The following SCN4B variants were observed in gnomAD, a reference collection of about 807,000 sequenced individuals.
SCN4B encodes sodium channel regulatory subunit beta-4.
In SCN4B, 20 loss-of-function variants were observed where a neutral mutation model predicts 19.6. The observed-to-expected ratio is 1.02, with a 90% CI of 0.72 to 1.48. SCN4B has a LOEUF of 1.48. Among genes scored for constraint, SCN4B ranks in the 40% most tolerant of loss-of-function variants. SCN4B has a pLI of 0.00. For synonymous variants in SCN4B, 127 were observed against 122.8 expected (o/e 1.03, Z -0.22); for missense variants, 271 against 287.5 (o/e 0.94, Z 0.42).
At chr11:118,145,455 C>A in intron 1 of SCN4B, 1 of 1,465,454 alleles carries the variant, frequency 6.8e-7, no homozygotes, top group South Asian at 1.2e-5. Flanking sequence ...CAGGGAGTAG[C>A]CCTTGTTGCG....
chr11:118,147,278 A>T (rs955070760), intron 1 of SCN4B, among the ~76,000 whole-genome samples: 2 of 152,346 alleles, frequency 1.3e-5, no homozygotes, highest in South Asian at 4.1e-4. Context: ...CCACAGAGTA[A>T]ATGGTGAATT....
Position 118,134,061 on chromosome 11 carries a change from T to A in SCN4B, c.*2966A>T, listed in dbSNP as rs753517628. 2 of 454,558 alleles carry A rather than the reference T, an allele frequency of 4.4e-6. No individual in the cohort carries two copies. Among genetic ancestry groups the A allele is most frequent in the Non-Finnish European group, 8.8e-6 (2 of 226,790 alleles). 28.2% of individuals were successfully genotyped at this position (454,558 alleles called of 1,614,324 possible). On this transcript the variant is annotated 3_prime_UTR_variant, in exon 5 of 5. Transcript: ENST00000324727. ...CCCACCTCCTGCCATCTCACAAGCA[T>A]GCTCTCAAGCCCTCGCTCCACAAGA...
chr11:118,146,903 T>A (rs1385332834), intron 1 of SCN4B, among the ~76,000 whole-genome samples: 1 of 152,220 alleles, frequency 6.6e-6, no homozygotes, highest in East Asian at 1.9e-4. Flanking sequence ...CTCCAATTAG[T>A]GCTGGGAAGT....
rs955917 is a variant in SCN4B, at chr11:118,145,324, G to A, written c.62-95C>T. On this transcript the variant is annotated intron_variant, in intron 1 of 4. Transcript: ENST00000324727. ...CAGGGCGGAGTAGCTTGGCCAGGCA[G>A]GTAGGTCTCTATCACCCTCAGTGCC... The A allele has an allele frequency of 0.16, 258,757 of 1,578,992 alleles. 21,716 individuals carry two copies. The highest frequency in any genetic ancestry group is 0.26 in the Middle Eastern group (1,306 of 5,060).
rs772762943 is a variant in SCN4B, at chr11:118,145,245, C to T, written c.62-16G>A. 7 of 1,613,682 alleles carry T rather than the reference C, an allele frequency of 4.3e-6. No homozygotes were observed. The highest frequency in any genetic ancestry group is 1.7e-5 in the Admixed American group (1 of 59,996). On this transcript the variant is annotated splice_polypyrimidine_tract_variant and intron_variant, in intron 1 of 4. Coordinates refer to ENST00000324727, the MANE Select transcript of SCN4B (RefSeq NM_174934.4). ...AGGAAGAGGCCTGTGTAAGGAGCAC[C>T]GCCTCCCTTAATAAAACCCCACCAG... is the stretch of plus-strand genomic sequence containing the variant.
intron 1 of SCN4B, among the ~76,000 whole-genome samples, chr11:118,147,642 C>CTGCG (rs1948194472): frequency 6.6e-6 from 1 of 152,252 alleles, no homozygotes; most frequent in Non-Finnish European, 1.5e-5. Context: ...ACTCTCCAGT[C>CTGCG]TGCAGCCAGC....
rs375056921 is a variant in SCN4B at position 118,141,348 on chromosome 11, G to C, written c.464-12C>G. The C allele has an allele frequency of 8.7e-6, 14 of 1,612,180 alleles. No homozygotes were observed. In the South Asian group the frequency reaches 1.5e-4, roughly 18 times the overall value. ...GTCCACTTCTTCCACTGTGTGGCCC[G>C]AGTAGGGAGGAAAGGGAAGGCACAA... On this transcript the variant is annotated splice_polypyrimidine_tract_variant and intron_variant, in intron 3 of 4. Coordinates refer to ENST00000324727, the MANE Select transcript of SCN4B (RefSeq NM_174934.4).
chr11:118,146,767 G>A (rs1268148479), intron 1 of SCN4B, among the ~76,000 whole-genome samples: 1 of 152,148 alleles, frequency 6.6e-6, no homozygotes, highest in African/African-American at 2.4e-5. Context: ...TATGTGCCAG[G>A]CACATTTCAT....
rs1947984429 is a variant in SCN4B at position 118,135,656 on chromosome 11, A to G, written c.*1371T>C. The G allele has an allele frequency of 2.2e-6, 1 of 454,208 alleles. No individual in the cohort carries two copies. The highest frequency in any genetic ancestry group is 1.6e-5 in the South Asian group (1 of 64,478). The allele number at this position is 454,208 out of a possible 1,614,324, so 28.1% of individuals were successfully genotyped here. A position where few individuals can be genotyped will look rare whatever the true frequency, so the allele number is the denominator to read the frequency against. On this transcript the variant is annotated 3_prime_UTR_variant, in exon 5 of 5. Transcript: ENST00000324727. The stretch of plus-strand genomic sequence containing the variant: ...TCAGTCACTGGCCAATTCCAGCCTC[A>G]TGGCCCCCTCTATGACCCTGGGGAG...
intron 4 of SCN4B, among the ~76,000 whole-genome samples, chr11:118,140,620 G>A (rs1565454730): frequency 6.6e-6 from 1 of 152,148 alleles, no homozygotes; most frequent in African/African-American, 2.4e-5. Flanking sequence ...GGGCCTGAGG[G>A]TTGCACCCTC....
chr11:118,135,744 G>A lies in SCN4B; in HGVS notation c.*1283C>T, dbSNP rs772561360. ...CTCTGCTGTTATGTCAGGACATACC[G>A]TCTAGAGAGGATGGGGGTAAGGGCT... On this transcript the variant is annotated 3_prime_UTR_variant, in exon 5 of 5. Coordinates refer to ENST00000324727, the MANE Select transcript of SCN4B (RefSeq NM_174934.4). 65 of 454,494 alleles carry A rather than the reference G, an allele frequency of 1.4e-4. No individual in the cohort carries two copies. Among genetic ancestry groups the A allele is most frequent in the Admixed American group, 8.0e-4 (34 of 42,572 alleles). 28.2% of individuals were successfully genotyped at this position (454,494 alleles called of 1,614,324 possible).
Position 118,141,193 on chromosome 11 carries a change from C to G in SCN4B, c.593+14G>C. On this transcript the variant is annotated intron_variant, in intron 4 of 4. Coordinates refer to ENST00000324727, the MANE Select transcript of SCN4B (RefSeq NM_174934.4). Reference sequence around the variant, plus strand: ...GCTGCTGGGAGGACAGGAGTGTGCTCCAGATCAACTCACTTCTTCTCCCGA... The same window carrying G: ...GCTGCTGGGAGGACAGGAGTGTGCTGCAGATCAACTCACTTCTTCTCCCGA... 6.2e-7 allele frequency: 1 copy of G among 1,612,638 alleles called. No homozygotes were observed. Among genetic ancestry groups the G allele is most frequent in the Non-Finnish European group, 8.5e-7 (1 of 1,179,938 alleles).
chr11:118,143,150 GC>G (rs1048317794), intron 3 of SCN4B, among the ~76,000 whole-genome samples: 1 of 152,140 alleles, frequency 6.6e-6, no homozygotes, highest in Admixed American at 6.5e-5. Context: ...CACTTCTCCA[GC>G]CCTGGTTATC....
At chr11:118,141,638 T>G in intron 3 of SCN4B, 1 of 450,162 alleles carries the variant, frequency 2.2e-6, no homozygotes, top group Non-Finnish European at 4.1e-6. Flanking sequence ...ACACTCAAGT[T>G]TGAGTGGTGA....
At chr11:118,145,520 T>C in intron 1 of SCN4B, 2 of 1,286,564 alleles carry the variant, frequency 1.6e-6, no homozygotes, top group East Asian at 4.1e-5. Flanking sequence ...GCCTGGCCAC[T>C]GCCGCGAACC....
chr11:118,133,993 TG>T lies in SCN4B; in HGVS notation c.*3033del, dbSNP rs1947955150. 2.2e-6 allele frequency: 1 copy of T among 454,682 alleles called. No homozygotes were observed. The highest frequency in any genetic ancestry group is 4.4e-6 in the Non-Finnish European group (1 of 226,770). 28.2% of individuals were successfully genotyped at this position (454,682 alleles called of 1,614,324 possible). On this transcript the variant is annotated 3_prime_UTR_variant, in exon 5 of 5. Transcript: ENST00000324727. Reference sequence around the variant, plus strand: ...CATCCACTCCACAGTTACGCTGCCATGCACCCACACTGCCTGCACACGCACA... The same window carrying T: ...CATCCACTCCACAGTTACGCTGCCATCACCCACACTGCCTGCACACGCACA...
chr11:118,147,857 A>T (rs993606621), intron 1 of SCN4B, among the ~76,000 whole-genome samples: 5 of 152,200 alleles, frequency 3.3e-5, no homozygotes, highest in African/African-American at 1.2e-4. Flanking sequence ...CCTGGAGGAG[A>T]TGGGGGAACT....
In SCN4B at chr11:118,145,105, C is replaced by T. The variant is rs1388884151; in HGVS notation, c.186G>A (p.Glu62=). ...TGTAGGTCCACCGGAAGTGGAGGTC[C>T]TCGAAGCCAAAGCAGCTGGAGAAGG... ...PCTFSSCFGF[E]DLHFRWTYNS... The change falls in exon 2 of 5, where the codon GAG becomes GAA. Residue 62 remains glutamate, a synonymous_variant. Transcript: ENST00000324727. 3 of 1,614,144 alleles carry T rather than the reference C, an allele frequency of 1.9e-6. No individual in the cohort carries two copies. The highest frequency in any genetic ancestry group is 2.5e-6 in the Non-Finnish European group (3 of 1,180,030).
intron 3 of SCN4B, 44 bp from the exon 4 acceptor site, chr11:118,141,380 C>G (rs1948097572): frequency 6.2e-7 from 1 of 1,611,300 alleles, no homozygotes; most frequent in African/African-American, 1.3e-5. Context: ...ACAAAGGGAG[C>G]AAGAGTCAAC....
Sources: allele counts gnomAD v4.1 joint callset (sites outside exome capture counted in the v4.1 genomes callset), GRCh38; gene constraint gnomAD v4.1.1; transcripts MANE v1.5; gene names NCBI Gene and HGNC (gene_info 2026-07-23, HGNC 2026-07-21).